VPS13B: variants seen among roughly 807,000 people sequenced by gnomAD.
The protein encoded by VPS13B is intermembrane lipid transfer protein VPS13B.
Under a neutral mutation model 426.4 loss-of-function variants are expected in VPS13B, and 285 were observed. The observed-to-expected ratio is 0.67, with a 90% CI of 0.61 to 0.74. The LOEUF is 0.74. Among genes scored for constraint, VPS13B ranks in the 30% least tolerant of loss-of-function variants. The pLI is 0.00. For synonymous variants in VPS13B, 1,676 were observed against 1,676.4 expected, an observed-to-expected ratio of 1.00 and a Z score of 0.01; for missense variants, 4,537 against 4,782.6, an observed-to-expected ratio of 0.95 and a Z score of 1.51.
At chr8:99,340,984 T>A (rs956346009) in intron 19 of VPS13B, 30 of 265,446 alleles carry the variant, frequency 1.1e-4, no homozygotes, top group Admixed American at 8.3e-5. Flanking sequence ...GTGCTTTCCG[T>A]AATTGAAAGA....
At chr8:99,449,811 ATT>A (rs75316303) in intron 23 of VPS13B, among the ~76,000 whole-genome samples, 1 of 148,988 alleles carries the variant, frequency 6.7e-6, no homozygotes, top group African/African-American at 2.5e-5. Context: ...CAGAAGAATG[ATT>A]TTTTTTTTTC....
At chr8:99,682,270 A>AC (rs1259793630) in intron 35 of VPS13B, among the ~76,000 whole-genome samples, 1 of 152,148 alleles carries the variant, frequency 6.6e-6, no homozygotes, top group Non-Finnish European at 1.5e-5. Flanking sequence ...TTTGAGACCA[A>AC]CCTAACCAAC....
chr8:99,191,303 G>A (rs1813562866), intron 16 of VPS13B, among the ~76,000 whole-genome samples: 1 of 141,530 alleles, frequency 7.1e-6, no homozygotes, highest in African/African-American at 2.6e-5. Flanking sequence ...TGGGTTTATA[G>A]TTTTCTTCAA....
At chr8:99,865,367 C>A (rs1450908916) in intron 58 of VPS13B, among the ~76,000 whole-genome samples, 3 of 152,232 alleles carry the variant, frequency 2.0e-5, no homozygotes, top group Admixed American at 1.3e-4. Flanking sequence ...GCTTCTCTGA[C>A]CCCCACTTCT....
At chr8:99,066,568 A>G (rs925327189) in intron 3 of VPS13B, among the ~76,000 whole-genome samples, 7 of 152,244 alleles carry the variant, frequency 4.6e-5, no homozygotes, top group African/African-American at 7.2e-5. Flanking sequence ...AACCTAGGCA[A>G]TACCATTCAG....
At chr8:99,300,868 T>G (rs1271698916) in intron 19 of VPS13B, among the ~76,000 whole-genome samples, 1 of 150,988 alleles carries the variant, frequency 6.6e-6, no homozygotes, top group African/African-American at 2.4e-5. Context: ...AAAAATCAGA[T>G]TATTTAATAT....
At chr8:99,721,693 C>A (rs1007817269) in intron 39 of VPS13B, among the ~76,000 whole-genome samples, 1 of 152,146 alleles carries the variant, frequency 6.6e-6, no homozygotes, top group Admixed American at 6.5e-5. Flanking sequence ...CCAGATCATA[C>A]AACCATCCAC....
At chr8:99,864,340 G>A (rs1347275506) in intron 58 of VPS13B, among the ~76,000 whole-genome samples, 1 of 152,182 alleles carries the variant, frequency 6.6e-6, no homozygotes, top group African/African-American at 2.4e-5. Flanking sequence ...CTTGAGCCCA[G>A]GAGTTCGAGA....
At chr8:99,766,479 A>C (rs1411885612) in intron 39 of VPS13B, among the ~76,000 whole-genome samples, 1 of 152,142 alleles carries the variant, frequency 6.6e-6, no homozygotes, top group African/African-American at 2.4e-5. Context: ...CACTAGCCTT[A>C]TCTTTTACTT....
intron 19 of VPS13B, among the ~76,000 whole-genome samples, chr8:99,330,472 T>C (rs1810490491): frequency 8.4e-6 from 1 of 118,732 alleles, no homozygotes; most frequent in African/African-American, 3.0e-5. Context: ...TCACTTAATA[T>C]AGTTGTTTCT....
chr8:99,421,702 T>A (rs1349642176), intron 21 of VPS13B, among the ~76,000 whole-genome samples: 2 of 152,014 alleles, frequency 1.3e-5, no homozygotes, highest in African/African-American at 2.4e-5. Context: ...TATTATTATT[T>A]TTTGAGACTC....
rs376338075 is a variant in VPS13B, at chr8:99,831,121, G to A, written c.9331-1248G>A. 2.6e-4 allele frequency among the ~76,000 whole-genome samples: 38 copies of A among 143,576 alleles called. No homozygotes were observed. The East Asian group carries it at 7.1e-3, about 27-fold the overall frequency. The allele number at this position is 143,576 out of a possible 152,430, so 94.2% of individuals were successfully genotyped here. On this transcript the variant is annotated intron_variant, in intron 51 of 61. Coordinates refer to ENST00000357162, the MANE Select transcript of VPS13B (RefSeq NM_152564.5). ...AGAGTCTCGCCCTGTCACCCAGGGT[G>A]GAGTGTAATGGCATGATCTTGGCTC...
chr8:99,306,655 T>G (rs971543707), intron 19 of VPS13B, among the ~76,000 whole-genome samples: 3 of 152,106 alleles, frequency 2.0e-5, no homozygotes, highest in African/African-American at 7.2e-5. Flanking sequence ...GTGGAACAAA[T>G]TAAACTTTCA....
At chr8:99,671,680 C>G (rs145996614) in intron 35 of VPS13B, among the ~76,000 whole-genome samples, 17 of 152,092 alleles carry the variant, frequency 1.1e-4, no homozygotes, top group African/African-American at 3.6e-4. Context: ...TTTTGAGTGA[C>G]GGAGTCTCAC....
chr8:99,462,835 G>A (rs113199751), intron 23 of VPS13B, among the ~76,000 whole-genome samples: 7 of 152,252 alleles, frequency 4.6e-5, no homozygotes, highest in South Asian at 4.1e-4. Context: ...TCTCTTGGTC[G>A]TGTGAGAACA....
intron 8 of VPS13B, 137 bp downstream of exon 8, chr8:99,121,582 T>C (rs1454032773): frequency 1.4e-6 from 2 of 1,464,728 alleles, no homozygotes; most frequent in African/African-American, 2.8e-5. Flanking sequence ...TCTTACTTCA[T>C]AAAATTACAT....
chr8:99,246,733 G>A (rs571413124), intron 17 of VPS13B, among the ~76,000 whole-genome samples: 49 of 151,990 alleles, frequency 3.2e-4, no homozygotes, highest in Non-Finnish European at 6.9e-4. Context: ...GGGCCTGGTA[G>A]CATGTGCCTG....
chr8:99,405,302 T>C (rs984823621), intron 21 of VPS13B, among the ~76,000 whole-genome samples: 70 of 152,324 alleles, frequency 4.6e-4, no homozygotes, highest in African/African-American at 1.6e-3. Context: ...TATACAACTG[T>C]GTACCTTTCC....
intron 21 of VPS13B, among the ~76,000 whole-genome samples, chr8:99,392,235 C>T (rs1464553437): frequency 6.6e-6 from 1 of 151,992 alleles, no homozygotes; most frequent in African/African-American, 2.4e-5. Flanking sequence ...CCTCCCCTTT[C>T]TCTCATACTC....
Sources: gnomAD v4.1 joint callset for allele counts (sites outside exome capture counted in the v4.1 genomes callset) on GRCh38, gnomAD v4.1.1 for gene constraint, MANE v1.5 for transcripts, NCBI Gene and HGNC (gene_info 2026-07-23, HGNC 2026-07-21) for gene names.